HEATR5A: variants seen among roughly 807,000 people sequenced by gnomAD.
The protein encoded by HEATR5A is HEAT repeat containing 5A, also known as HEAT repeat-containing protein 5A.
A neutral mutation model predicts 218.8 loss-of-function variants in HEATR5A; 178 were observed. That is an observed-to-expected ratio of 0.81 (90% CI 0.72 to 0.92). The LOEUF (loss-of-function observed/expected upper bound fraction) is 0.92, where lower values mean the gene tolerates loss of function less well. HEATR5A is among the 40% of genes least tolerant of loss of function. HEATR5A has a pLI of 0.00. For synonymous variants in HEATR5A, 864 were observed against 871.6 expected, an observed-to-expected ratio of 0.99 and a Z score of 0.15; for missense variants, 2,420 against 2,418.9, an observed-to-expected ratio of 1.00 and a Z score of -0.01.
At chr14:31,414,990 C>A (rs564903765) in intron 1 of HEATR5A, among the ~76,000 whole-genome samples, 42 of 152,096 alleles carry the variant, frequency 2.8e-4, no homozygotes, top group Non-Finnish European at 5.3e-4. Flanking sequence ...AAGGCGCGCA[C>A]CACCATGCCC....
intron 22 of HEATR5A, among the ~76,000 whole-genome samples, chr14:31,336,217 C>CACACACAT (rs1178045152): frequency 7.9e-5 from 3 of 38,190 alleles, no homozygotes; most frequent in Admixed American, 2.1e-4. Flanking sequence ...TACATACATA[C>CACACACAT]ATATATATAT....
chr14:31,396,830 G>T (rs2030672748), intron 4 of HEATR5A, among the ~76,000 whole-genome samples: 1 of 151,970 alleles, frequency 6.6e-6, no homozygotes, highest in Non-Finnish European at 1.5e-5. Flanking sequence ...AAAAAATAGG[G>T]GAGCAACAAT....
chr14:31,358,894 C>A lies in HEATR5A; in HGVS notation c.2235G>T (p.Gln745His), dbSNP rs1482061568. Residue 745 changes from glutamine to histidine, a missense_variant and splice_region_variant, in exon 15 of 36, where the codon CAG (glutamine) becomes CAT (histidine). Transcript: ENST00000543095. ...QETDHRFIEE[Q>H]LLLGNGVACG... Reference sequence around the variant, plus strand: ...AATCAAGAGTAAAAAATGGCCATACCTGTTCTTCAATAAATCTATGGTCAG... The same window carrying A: ...AATCAAGAGTAAAAAATGGCCATACATGTTCTTCAATAAATCTATGGTCAG... 1.3e-6 allele frequency: 2 copies of A among 1,597,212 alleles called. No homozygotes were observed. The highest frequency in any genetic ancestry group is 1.8e-5 in the Admixed American group (1 of 55,226).
At chr14:31,354,042 G>A (rs1214687562) in intron 16 of HEATR5A, among the ~76,000 whole-genome samples, 2 of 151,662 alleles carry the variant, frequency 1.3e-5, no homozygotes, top group South Asian at 2.1e-4. Context: ...CTCGTGATCC[G>A]CCCGCCTCGG....
intron 16 of HEATR5A, among the ~76,000 whole-genome samples, chr14:31,351,846 C>T (rs1249224709): frequency 6.6e-6 from 1 of 151,760 alleles, no homozygotes; most frequent in East Asian, 1.9e-4. Context: ...AACTCCTAAG[C>T]TCAAGCGATC....
At chr14:31,396,509 A>AT (rs753799065) in intron 4 of HEATR5A, among the ~76,000 whole-genome samples, 1 of 152,186 alleles carries the variant, frequency 6.6e-6, no homozygotes, top group Non-Finnish European at 1.5e-5. Flanking sequence ...GCCTCAAATC[A>AT]TATCTATATC....
intron 12 of HEATR5A, among the ~76,000 whole-genome samples, chr14:31,374,489 C>T (rs1902154888): frequency 6.6e-6 from 1 of 151,984 alleles, no homozygotes; most frequent in Non-Finnish European, 1.5e-5. Flanking sequence ...TAAATGGAAA[C>T]GATTCTTAAT....
intron 11 of HEATR5A, among the ~76,000 whole-genome samples, chr14:31,376,414 G>T (rs1401218600): frequency 6.6e-6 from 1 of 152,212 alleles, no homozygotes; most frequent in Non-Finnish European, 1.5e-5. Flanking sequence ...TTGGGAGGCT[G>T]ATGCAGGAGG....
chr14:31,320,655 A>T, intron 25 of HEATR5A: 1 of 631,036 alleles, frequency 1.6e-6, no homozygotes, highest in Admixed American at 2.0e-5. Context: ...TCCCAGCTTT[A>T]GCCCTTGGTC....
chr14:31,358,424 A>ATT (rs1901500303), intron 16 of HEATR5A, among the ~76,000 whole-genome samples: 1 of 152,232 alleles, frequency 6.6e-6, no homozygotes, highest in Non-Finnish European at 1.5e-5. Flanking sequence ...ATAAGCTGTG[A>ATT]GCAAAGTATT....
At chr14:31,339,167 G>GTATA (rs1437442227) in intron 21 of HEATR5A, among the ~76,000 whole-genome samples, 4 of 150,768 alleles carry the variant, frequency 2.7e-5, no homozygotes, top group Non-Finnish European at 4.4e-5. Flanking sequence ...ATGTATGTAT[G>GTATA]TATATATGAG....
In HEATR5A at chr14:31,348,111, CTCA is replaced by C. The variant is rs536942898; in HGVS notation, c.2709-207_2709-205del. 5.9e-5 allele frequency among the ~76,000 whole-genome samples: 9 copies of C among 152,194 alleles called. No individual in the cohort carries two copies. The South Asian group carries it at 1.9e-3, about 32-fold the overall frequency. On this transcript the variant is annotated intron_variant, in intron 18 of 35. Coordinates refer to ENST00000543095, the MANE Select transcript of HEATR5A (RefSeq NM_015473.4). Reference sequence around the variant, plus strand: ...GGAAAACATTTTGAATCAAAATGTCCTCATATTATTAATGATTAGTTTAGTATG... The same window carrying C: ...GGAAAACATTTTGAATCAAAATGTCCTATTATTAATGATTAGTTTAGTATG...
chr14:31,368,695 CTATTTATTTATT>C (rs71708210), intron 13 of HEATR5A, among the ~76,000 whole-genome samples: 1,984 of 130,670 alleles, frequency 0.015, 37 homozygotes, highest in African/African-American at 0.044. Context: ...ACATCTGACT[CTATTTATTTATT>C]TATTTATTTA....
chr14:31,318,947 T>C (rs962787954), intron 25 of HEATR5A, among the ~76,000 whole-genome samples: 4 of 152,210 alleles, frequency 2.6e-5, no homozygotes, highest in African/African-American at 4.8e-5. Context: ...GAGAGCCATC[T>C]TGATATCACT....
At chr14:31,365,765 A>G (rs903645334) in intron 13 of HEATR5A, among the ~76,000 whole-genome samples, 2 of 151,832 alleles carry the variant, frequency 1.3e-5, no homozygotes, top group Non-Finnish European at 2.9e-5. Flanking sequence ...CCTGGGCTCA[A>G]GTGATCCTCT....
intron 1 of HEATR5A, among the ~76,000 whole-genome samples, chr14:31,405,506 C>A (rs1209121239): frequency 3.9e-5 from 6 of 152,156 alleles, no homozygotes; most frequent in Admixed American, 3.9e-4. Flanking sequence ...AAAATTCTAG[C>A]TTGTTTTAAA....
At position 31,345,387 on chromosome 14, in the gene HEATR5A, AT is replaced by A. The variant is rs1224399298; in HGVS notation, c.2869-112del. The A allele has an allele frequency of 6.4e-6, 5 of 778,658 alleles. No homozygotes were observed. The East Asian group carries it at 1.4e-4, about 21-fold the overall frequency. The allele number at this position is 778,658 out of a possible 1,614,324, so 48.2% of individuals were successfully genotyped here. ...AGTGATAAAGTAACAGCAAATGTGA[AT>A]GCTACTACTCATGTGGAAAGAGAAA... On this transcript the variant is annotated intron_variant, in intron 19 of 35. Coordinates refer to ENST00000543095, the MANE Select transcript of HEATR5A (RefSeq NM_015473.4).
At chr14:31,341,084 T>A (rs1900823578) in intron 21 of HEATR5A, among the ~76,000 whole-genome samples, 1 of 152,098 alleles carries the variant, frequency 6.6e-6, no homozygotes, top group Non-Finnish European at 1.5e-5. Context: ...TCTAATAAAT[T>A]CAGAATAAAT....
intron 22 of HEATR5A, among the ~76,000 whole-genome samples, chr14:31,336,753 T>C (rs1244676664): frequency 2.0e-5 from 3 of 152,204 alleles, no homozygotes; most frequent in Non-Finnish European, 4.4e-5. Context: ...TAATCCCATT[T>C]CATTTGACTG....
Sources: gnomAD v4.1 joint callset for allele counts (sites outside exome capture counted in the v4.1 genomes callset) on GRCh38, gnomAD v4.1.1 for gene constraint, MANE v1.5 for transcripts, NCBI Gene and HGNC (gene_info 2026-07-23, HGNC 2026-07-21) for gene names.